Variants in ATP2B1 observed in about 807,000 individuals in gnomAD.
ATP2B1 encodes the protein plasma membrane calcium-transporting ATPase 1.
ATP2B1 carries 14 observed loss-of-function variants against 124.2 expected under a neutral mutation model. The observed-to-expected ratio is 0.11, with a 90% CI of 0.07 to 0.18. The LOEUF is 0.18. ATP2B1 is among the 10% of genes least tolerant of loss of function. ATP2B1 has a pLI of 1.00. For synonymous variants in ATP2B1, 449 were observed against 492.4 expected, an observed-to-expected ratio of 0.91 and a Z score of 1.17; for missense variants, 763 against 1,466.1, an observed-to-expected ratio of 0.52 and a Z score of 7.83.
At chr12:89,704,048 A>G (rs899004095) in intron 1 of ATP2B1, among the ~76,000 whole-genome samples, 1 of 152,224 alleles carries the variant, frequency 6.6e-6, no homozygotes, top group African/African-American at 2.4e-5. Context: ...TTTGGATTTC[A>G]GGAACTAAAA....
chr12:89,658,645 G>GAGAGAGAGAGAGAGAGAGAT (rs1555204352), intron 1 of ATP2B1, among the ~76,000 whole-genome samples: 1 of 137,986 alleles, frequency 7.2e-6, no homozygotes, highest in Admixed American at 7.1e-5. Context: ...GAGAGAGAGA[G>GAGAGAGAGAGAGAGAGAGAT]AGATAGAGAT....
intron 1 of ATP2B1, among the ~76,000 whole-genome samples, chr12:89,691,739 T>C (rs1389327861): frequency 6.6e-6 from 1 of 152,168 alleles, no homozygotes; most frequent in East Asian, 1.9e-4. Context: ...CAAATAATCA[T>C]TCTTTCCACT....
intron 12 of ATP2B1, among the ~76,000 whole-genome samples, chr12:89,612,363 T>C (rs74940559): frequency 0.016 from 2,414 of 152,080 alleles, 63 homozygotes; most frequent in African/African-American, 0.056. Context: ...CGGATCCTAC[T>C]GGAGCAGGGG....
At chr12:89,601,544 T>A in intron 18 of ATP2B1, 111 bp from the exon 19 acceptor site, 2 of 597,440 alleles carry the variant, frequency 3.3e-6, no homozygotes, top group East Asian at 3.2e-5. Context: ...ACCACTATTC[T>A]GATGAATTGT....
At chr12:89,638,674 GATT>G (rs1883057292) in intron 3 of ATP2B1, among the ~76,000 whole-genome samples, 1 of 152,080 alleles carries the variant, frequency 6.6e-6, no homozygotes, top group African/African-American at 2.4e-5. Flanking sequence ...ATATACAATA[GATT>G]ATTATTTAAA....
intron 3 of ATP2B1, among the ~76,000 whole-genome samples, chr12:89,639,979 G>C (rs1315181147): frequency 6.6e-6 from 1 of 152,196 alleles, no homozygotes; most frequent in South Asian, 2.1e-4. Flanking sequence ...CAGCTAGACA[G>C]GTGGAAAACT....
chr12:89,680,872 A>G (rs2136633261), intron 1 of ATP2B1, among the ~76,000 whole-genome samples: 2 of 152,300 alleles, frequency 1.3e-5, no homozygotes, highest in Middle Eastern at 6.8e-3. Flanking sequence ...AGAAAACTAG[A>G]CTTCAAAAAC....
chr12:89,642,037 G>C (rs1565859590), intron 3 of ATP2B1, 121 bp downstream of exon 3: 1 of 975,928 alleles, frequency 1.0e-6, no homozygotes, highest in South Asian at 1.6e-5. Flanking sequence ...AAGGTACTTA[G>C]AACAGTGCCT....
At chr12:89,594,664 C>T (rs968448663) in intron 20 of ATP2B1, 1 of 149,668 alleles carries the variant, frequency 6.7e-6, no homozygotes, top group Non-Finnish European at 1.5e-5. Flanking sequence ...TTATCATAAT[C>T]ATGAATTTTA....
At chr12:89,661,951 C>T (rs1886752149) in intron 1 of ATP2B1, among the ~76,000 whole-genome samples, 2 of 152,142 alleles carry the variant, frequency 1.3e-5, no homozygotes, top group South Asian at 4.1e-4. Flanking sequence ...AGCAGTGATT[C>T]TCAATCAGTG....
At chr12:89,626,660 A>G (rs753141818) in intron 7 of ATP2B1, 45 bp from the exon 8 acceptor site, 3 of 1,534,002 alleles carry the variant, frequency 2.0e-6, no homozygotes, top group Non-Finnish European at 2.6e-6. Flanking sequence ...TTAAAGGCAC[A>G]TATCACTATT....
chr12:89,644,232 T>C (rs527236507), intron 2 of ATP2B1, among the ~76,000 whole-genome samples: 1 of 152,340 alleles, frequency 6.6e-6, no homozygotes, highest in Admixed American at 6.5e-5. Context: ...ATTTGTTTTT[T>C]TGGCAAGAGC....
At chr12:89,694,754 C>T (rs1463245096) in intron 1 of ATP2B1, among the ~76,000 whole-genome samples, 1 of 152,110 alleles carries the variant, frequency 6.6e-6, no homozygotes, top group Non-Finnish European at 1.5e-5. Context: ...CCAGAGATCA[C>T]CATCAAGAAT....
chr12:89,626,968 T>C (rs75447741), intron 7 of ATP2B1, among the ~76,000 whole-genome samples: 2,276 of 152,316 alleles, frequency 0.015, 92 homozygotes, highest in East Asian at 0.093. Flanking sequence ...GTAGAGATTA[T>C]GTATAACCAT....
At chr12:89,613,810 A>C (rs1878476922) in intron 12 of ATP2B1, among the ~76,000 whole-genome samples, 1 of 152,212 alleles carries the variant, frequency 6.6e-6, no homozygotes. Flanking sequence ...TAAAACTTAC[A>C]AACTATCTCT....
At position 89,695,735 on chromosome 12, in the gene ATP2B1, T is replaced by C. The variant is rs554781442; in HGVS notation, c.-222+12861A>G. Among the ~76,000 whole-genome samples the C allele has an allele frequency of 5.9e-5, 9 of 152,294 alleles. No individual in the cohort carries two copies. In the East Asian group the frequency reaches 9.6e-4, roughly 16 times the overall value. ...TTTTAAATAGTAATACCCATTTCCA[T>C]TGGCTGCTTCTTAGTATTCTATTCT... On this transcript the variant is annotated intron_variant, in intron 1 of 20. Coordinates refer to ENST00000428670, the MANE Select transcript of ATP2B1 (RefSeq NM_001366521.1).
rs1242329232 is a variant in ATP2B1 at position 89,630,481 on chromosome 12, A to C, written c.928+24T>G. 2.0e-6 allele frequency: 3 copies of C among 1,505,646 alleles called. No individual in the cohort carries two copies. In the African/African-American group the frequency reaches 4.3e-5, roughly 21 times the overall value. The allele number at this position is 1,505,646 out of a possible 1,614,324, so 93.3% of individuals were successfully genotyped here. A position where few individuals can be genotyped will look rare whatever the true frequency, so the allele number is the denominator to read the frequency against. On this transcript the variant is annotated intron_variant, in intron 6 of 20. Coordinates refer to ENST00000428670, the MANE Select transcript of ATP2B1 (RefSeq NM_001366521.1). ...TTATTTGCCCTATTTCCAAATACCA[A>C]TTATAGAAAATTGTTATTCTTACTT...
intron 2 of ATP2B1, 96 bp from the exon 3 acceptor site, chr12:89,642,451 C>A: frequency 8.6e-7 from 1 of 1,166,376 alleles, no homozygotes; most frequent in East Asian, 2.4e-5. Context: ...CACTCTAGAC[C>A]CTACCAAAAT....
intron 3 of ATP2B1, among the ~76,000 whole-genome samples, chr12:89,641,218 A>G (rs1433641418): frequency 1.3e-5 from 2 of 152,236 alleles, no homozygotes; most frequent in African/African-American, 4.8e-5. Context: ...AAATTTTTTA[A>G]AAGGCAGATA....
Sources: allele counts gnomAD v4.1 joint callset (sites outside exome capture counted in the v4.1 genomes callset), GRCh38; gene constraint gnomAD v4.1.1; transcripts MANE v1.5; gene names NCBI Gene and HGNC (gene_info 2026-07-23, HGNC 2026-07-21).